Variants in NECAB1 observed in about 807,000 individuals in gnomAD.
The protein encoded by NECAB1 is N-terminal EF-hand calcium-binding protein 1.
NECAB1 carries 29 observed loss-of-function variants against 57.5 expected under a neutral mutation model. The observed-to-expected ratio is 0.50, with a 90% CI of 0.38 to 0.69. The LOEUF is 0.69. Ranked by LOEUF, NECAB1 falls within the 30% of genes least tolerant of loss-of-function variation. NECAB1 has a pLI of 0.00. For synonymous variants in NECAB1, 142 were observed against 147.7 expected, an observed-to-expected ratio of 0.96 and a Z score of 0.28; for missense variants, 372 against 413.8, an observed-to-expected ratio of 0.90 and a Z score of 0.88.
At chr8:90,822,866 ATT>A (rs5893135) in intron 2 of NECAB1, among the ~76,000 whole-genome samples, 17,090 of 147,618 alleles carry the variant, frequency 0.12, 1,507 homozygotes, top group African/African-American at 0.25. Context: ...TTTTTTCTTT[ATT>A]TTTTTTTTTA....
intron 5 of NECAB1, among the ~76,000 whole-genome samples, chr8:90,895,525 CA>C (rs761637811): frequency 1.3e-4 from 20 of 152,192 alleles, no homozygotes; most frequent in Non-Finnish European, 2.5e-4. Flanking sequence ...TGCTAGTAAT[CA>C]AAAGGAATAT....
At chr8:90,808,058 A>T (rs1015090578) in intron 2 of NECAB1, among the ~76,000 whole-genome samples, 5 of 152,144 alleles carry the variant, frequency 3.3e-5, no homozygotes, top group Non-Finnish European at 7.4e-5. Context: ...ACACCCATAA[A>T]TGTGTTACTT....
chr8:90,951,184 C>G lies in NECAB1; in HGVS notation c.1010C>G (p.Thr337Arg). 1 of 1,594,762 alleles carries G rather than the reference C, an allele frequency of 6.3e-7. No individual in the cohort carries two copies. Among genetic ancestry groups the G allele is most frequent in the Admixed American group, 1.7e-5 (1 of 58,444 alleles). Reference protein sequence around the residue: ...NVDFLETPELTSTMLVPASWW... With the variant: ...NVDFLETPELRSTMLVPASWW... ...GATTTCTTGGAAACTCCAGAACTCA[C>G]ATCTACAATGCTAGTTCCTGGTAAT... The change falls in exon 12 of 13, where the codon ACA becomes AGA. Residue 337 changes from threonine to arginine, a missense_variant. Physicochemically the swap from Thr to Arg is moderately conservative, Grantham distance 71. Transcript: ENST00000417640.
At chr8:90,945,129 G>A (rs1053575721) in intron 10 of NECAB1, among the ~76,000 whole-genome samples, 9 of 151,988 alleles carry the variant, frequency 5.9e-5, no homozygotes, top group East Asian at 5.8e-4. Context: ...CCAGGCTTGC[G>A]TGATCTTGGC....
At chr8:90,795,497 AG>A (rs1441951107) in intron 1 of NECAB1, among the ~76,000 whole-genome samples, 1 of 152,214 alleles carries the variant, frequency 6.6e-6, no homozygotes, top group Non-Finnish European at 1.5e-5. Flanking sequence ...TCTGAATGCA[AG>A]ATACAGAGCA....
At chr8:90,807,176 A>G (rs1234425805) in intron 2 of NECAB1, among the ~76,000 whole-genome samples, 1 of 152,236 alleles carries the variant, frequency 6.6e-6, no homozygotes, top group Admixed American at 6.5e-5. Flanking sequence ...CTGAATTATG[A>G]ATGAATGACT....
At position 90,934,343 on chromosome 8, in the gene NECAB1, G is replaced by A; in HGVS notation, c.733G>A (p.Gly245Arg). The change falls in exon 9 of 13, where the codon GGG becomes AGG. Residue 245 changes from glycine to arginine, a missense_variant. Gly to Arg is a moderately radical substitution (Grantham distance 125, BLOSUM62 -2). Transcript: ENST00000417640. ...LEPPEEEIIE[G>R]NTKSHIMLVQ... is the part of the protein sequence containing the mutation. ...ACCACCAGAAGAAGAAATTATTGAA[G>A]GGAATACTAAATCTGTAAGTATTTT... is the stretch of plus-strand genomic sequence containing the variant. The A allele has an allele frequency of 6.6e-7, 1 of 1,509,022 alleles. No homozygotes were observed. Among genetic ancestry groups the A allele is most frequent in the Non-Finnish European group, 8.9e-7 (1 of 1,125,894 alleles). The allele number at this position is 1,509,022 out of a possible 1,614,324, so 93.5% of individuals were successfully genotyped here.
At chr8:90,875,274 G>C (rs1446086947) in intron 4 of NECAB1, among the ~76,000 whole-genome samples, 1 of 151,474 alleles carries the variant, frequency 6.6e-6, no homozygotes, top group East Asian at 2.0e-4. Flanking sequence ...GAGGTCAGGA[G>C]ATCGAGACCA....
rs1811080366 is a variant in NECAB1, at chr8:90,958,863, A to G, written c.*3351A>G. 1.8e-6 allele frequency: 1 copy of G among 554,614 alleles called. No individual in the cohort carries two copies. The highest frequency in any genetic ancestry group is 2.3e-5 in the South Asian group (1 of 44,178). 34.4% of individuals were successfully genotyped at this position (554,614 alleles called of 1,614,324 possible). A position where few individuals can be genotyped will look rare whatever the true frequency, so the allele number is the denominator to read the frequency against. On this transcript the variant is annotated 3_prime_UTR_variant, in exon 13 of 13. Transcript: ENST00000417640. The stretch of plus-strand genomic sequence containing the variant: ...TAGAAAATTCTTTATATTTTAAAAT[A>G]GCTCTTTCTCATTTTTAGAGAAGTC...
chr8:90,796,739 T>C (rs1811667247), intron 1 of NECAB1, among the ~76,000 whole-genome samples: 1 of 152,214 alleles, frequency 6.6e-6, no homozygotes, highest in Non-Finnish European at 1.5e-5. Flanking sequence ...TCTGGTACCA[T>C]AACGTAATGA....
intron 9 of NECAB1, among the ~76,000 whole-genome samples, chr8:90,934,766 G>C (rs148196283): frequency 6.6e-6 from 1 of 152,190 alleles, no homozygotes; most frequent in Non-Finnish European, 1.5e-5. Context: ...CTAGGGCCAG[G>C]CACATTGAAA....
At chr8:90,897,018 C>T (rs1245553101) in intron 5 of NECAB1, among the ~76,000 whole-genome samples, 3 of 152,078 alleles carry the variant, frequency 2.0e-5, no homozygotes, top group Non-Finnish European at 2.9e-5. Context: ...TCCAAGTGTG[C>T]ACTCCATTGT....
At chr8:90,820,360 A>G (rs943271582) in intron 2 of NECAB1, among the ~76,000 whole-genome samples, 1 of 152,044 alleles carries the variant, frequency 6.6e-6, no homozygotes, top group Non-Finnish European at 1.5e-5. Context: ...TAAAACAAAT[A>G]TATGACATGT....
At chr8:90,918,292 G>A (rs956858678) in intron 6 of NECAB1, among the ~76,000 whole-genome samples, 2 of 151,796 alleles carry the variant, frequency 1.3e-5, no homozygotes, top group African/African-American at 4.8e-5. Context: ...GATTACAGGT[G>A]TAAGCCACTG....
intron 3 of NECAB1, among the ~76,000 whole-genome samples, chr8:90,853,708 C>G (rs538169925): frequency 6.6e-6 from 1 of 152,142 alleles, no homozygotes; most frequent in Admixed American, 6.5e-5. Flanking sequence ...CATTAAGAAA[C>G]TAGTATTGTT....
chr8:90,792,134 T>G (rs1401282227), intron 1 of NECAB1, 149 bp downstream of exon 1: 1 of 664,074 alleles, frequency 1.5e-6, no homozygotes, highest in Admixed American at 2.3e-5. Flanking sequence ...GAGGAACGAC[T>G]GTCCCTTAAC....
chr8:90,852,304 C>T (rs1438099090), intron 3 of NECAB1, among the ~76,000 whole-genome samples: 1 of 152,204 alleles, frequency 6.6e-6, no homozygotes, highest in Non-Finnish European at 1.5e-5. Flanking sequence ...AGTTCAGTAA[C>T]TTGCCCATTA....
Position 90,864,379 on chromosome 8 carries a change from G to A in NECAB1, c.234-7749G>A, listed in dbSNP as rs191200614. ...GGAGGGAGTGGGGGGAAGGATGGAGGGAGGGAGGGACTTAAACTACTCAGC... is the reference window on the plus strand; with the variant it reads ...GGAGGGAGTGGGGGGAAGGATGGAGAGAGGGAGGGACTTAAACTACTCAGC... On this transcript the variant is annotated intron_variant, in intron 3 of 12. Coordinates refer to ENST00000417640, the MANE Select transcript of NECAB1 (RefSeq NM_022351.5). Among the ~76,000 whole-genome samples, 17 of 149,992 alleles carry A rather than the reference G, an allele frequency of 1.1e-4. No homozygotes were observed. The East Asian group carries it at 3.2e-3, about 28-fold the overall frequency.
At chr8:90,934,397 C>T in intron 9 of NECAB1, 40 bp downstream of exon 9, 1 of 1,241,960 alleles carries the variant, frequency 8.1e-7, no homozygotes, top group South Asian at 1.6e-5. Flanking sequence ...GAAATATATT[C>T]TTTAAAAACA....
Sources: allele counts gnomAD v4.1 joint callset (sites outside exome capture counted in the v4.1 genomes callset), GRCh38; gene constraint gnomAD v4.1.1; transcripts MANE v1.5; gene names NCBI Gene and HGNC (gene_info 2026-07-23, HGNC 2026-07-21).